NASP: variants seen among roughly 807,000 people sequenced by gnomAD.
NASP encodes nuclear autoantigenic sperm protein.
A neutral mutation model predicts 89.5 loss-of-function variants in NASP; 24 were observed. The ratio of observed to expected loss-of-function variants is 0.27; its 90% CI spans 0.19 to 0.38. NASP has a LOEUF of 0.38. NASP is among the 10% of genes least tolerant of loss of function. The probability of loss-of-function intolerance (pLI) is 1.00; values close to 1 mark genes in which losing one functional copy is unlikely to be tolerated. For synonymous variants in NASP, 306 were observed against 324.7 expected (o/e 0.94, Z 0.62); for missense variants, 848 against 921.4 (o/e 0.92, Z 1.03).
At chr1:45,606,375 T>C in intron 4 of NASP, 107 bp from the exon 5 acceptor site, 1 of 709,002 alleles carries the variant, frequency 1.4e-6, no homozygotes, top group South Asian at 1.8e-5. Context: ...TTGCCTGCGC[T>C]TGGCTTACAC....
chr1:45,599,702 C>T (rs1338120966), intron 2 of NASP, among the ~76,000 whole-genome samples: 3 of 152,204 alleles, frequency 2.0e-5, no homozygotes, highest in Admixed American at 1.3e-4. Context: ...GCTGGGATTA[C>T]AGGCATGAGC....
chr1:45,594,466 G>A (rs1208317938), intron 2 of NASP, among the ~76,000 whole-genome samples: 1 of 152,134 alleles, frequency 6.6e-6, no homozygotes, highest in Non-Finnish European at 1.5e-5. Context: ...TAGTATTTAA[G>A]TTTCTGGACT....
intron 1 of NASP, among the ~76,000 whole-genome samples, chr1:45,586,131 A>G (rs989540862): frequency 1.4e-5 from 2 of 146,104 alleles, no homozygotes; most frequent in African/African-American, 2.5e-5. Context: ...GAAAGCTAAA[A>G]CTGAGCAATT....
chr1:45,617,917 T>A, intron 14 of NASP, 144 bp from the exon 15 acceptor site: 2 of 696,950 alleles, frequency 2.9e-6, no homozygotes, highest in Admixed American at 5.6e-5. Context: ...CAAGAAATAC[T>A]TTGTGGTCAC....
intron 1 of NASP, among the ~76,000 whole-genome samples, chr1:45,586,199 G>A (rs1279976122): frequency 3.3e-5 from 5 of 151,308 alleles, no homozygotes; most frequent in African/African-American, 4.9e-5. Context: ...AGGTTGGAGT[G>A]CAGTGATGCC....
chr1:45,604,867 T>C (rs888235994), intron 3 of NASP, 69 bp from the exon 4 acceptor site: 18 of 1,193,956 alleles, frequency 1.5e-5, no homozygotes, highest in Non-Finnish European at 2.2e-5. Context: ...AATTTATAAC[T>C]GAAGAACTAG....
At chr1:45,594,367 C>G (rs531107658) in intron 2 of NASP, among the ~76,000 whole-genome samples, 36 of 151,566 alleles carry the variant, frequency 2.4e-4, no homozygotes, top group Non-Finnish European at 5.2e-4. Context: ...GTGAGTTAAT[C>G]TGGTATTTGG....
At chr1:45,587,186 T>G (rs750137995) in intron 1 of NASP, among the ~76,000 whole-genome samples, 46 of 150,174 alleles carry the variant, frequency 3.1e-4, no homozygotes, top group African/African-American at 6.1e-4. Flanking sequence ...TCTTAGTTGG[T>G]TTTTTTTTGT....
Position 45,608,265 on chromosome 1 carries a change from C to T in NASP, c.1354C>T (p.Pro452Ser). 4 of 1,613,826 alleles carry T rather than the reference C, an allele frequency of 2.5e-6. No homozygotes were observed. Among genetic ancestry groups the T allele is most frequent in the Non-Finnish European group, 3.4e-6 (4 of 1,179,882 alleles). The change falls in exon 6 of 15, where the codon CCT becomes TCT. Residue 452 changes from proline to serine, a missense_variant. Coordinates refer to ENST00000350030, the MANE Select transcript of NASP (RefSeq NM_002482.4). ...AGCCCAGGGAGCTACTGAGAAATCA[C>T]CTGAAGACAAAGTTCAGATAGCTGC... Reference protein sequence around the residue: ...KVAQGATEKSPEDKVQIAANE... With the variant: ...KVAQGATEKSSEDKVQIAANE...
Position 45,591,255 on chromosome 1 carries a change from C to T in NASP, c.92C>T (p.Ala31Val). ...GATGTTCCTGCTCCTTCTACATCTG[C>T]AGATAAAGTGGAGAGGTAAGATTAT... ...IEDVPAPSTS[A>V]DKVESLDVDS... The change falls in exon 2 of 15, where the codon GCA becomes GTA. Residue 31 changes from alanine (A) to valine (V), a missense_variant. Physicochemically the swap from Ala to Val is moderately conservative, Grantham distance 64. Transcript: ENST00000350030. The T allele has an allele frequency of 6.5e-7, 1 of 1,544,286 alleles. No homozygotes were observed. The highest frequency in any genetic ancestry group is 2.4e-5 in the East Asian group (1 of 41,898).
intron 2 of NASP, chr1:45,600,288 A>G (rs1643808359): frequency 1.3e-6 from 1 of 762,232 alleles, no homozygotes; most frequent in South Asian, 2.8e-5. Flanking sequence ...CTACATATGT[A>G]TACACCTGTA....
At chr1:45,602,415 T>G (rs767464741) in intron 3 of NASP, 50 bp downstream of exon 3, 30 of 1,527,130 alleles carry the variant, frequency 2.0e-5, no homozygotes, top group Non-Finnish European at 2.5e-5. Flanking sequence ...CTAATAAACC[T>G]TGAGTTATCA....
At chr1:45,587,429 A>G (rs1414369716) in intron 1 of NASP, among the ~76,000 whole-genome samples, 2 of 151,698 alleles carry the variant, frequency 1.3e-5, no homozygotes, top group Admixed American at 1.3e-4. Context: ...TCTCGGCGTG[A>G]GCCACCGTGC....
At chr1:45,584,309 C>T (rs1570934918) in intron 1 of NASP, 104 bp downstream of exon 1, 1 of 1,072,910 alleles carries the variant, frequency 9.3e-7, no homozygotes, top group Non-Finnish European at 1.4e-6. Flanking sequence ...GAGTACTTGC[C>T]TTCCCAAGAG....
intron 14 of NASP, 63 bp downstream of exon 14, chr1:45,617,654 CAGTCCTCTCA>C: frequency 6.6e-7 from 1 of 1,509,914 alleles, no homozygotes; most frequent in Non-Finnish European, 8.8e-7. Flanking sequence ...CTGGGGAAAT[CAGTCCTCTCA>C]AGTGCATGCT....
chr1:45,587,485 A>G (rs1397517040), intron 1 of NASP, among the ~76,000 whole-genome samples: 3 of 151,710 alleles, frequency 2.0e-5, no homozygotes, highest in East Asian at 3.9e-4. Context: ...TCATTTACAT[A>G]TCTCAACTGT....
In NASP at chr1:45,584,109, C is replaced by G. The variant is rs755242357; in HGVS notation, c.-38C>G. The G allele has an allele frequency of 6.4e-7, 1 of 1,555,628 alleles. No homozygotes were observed. Among genetic ancestry groups the G allele is most frequent in the African/African-American group, 1.4e-5 (1 of 73,664 alleles). Reference sequence around the variant, plus strand: ...CCAAATTGCCTGTTTTTCTCGCAGGCTCTATTCCGTTCGCTGGTTCGCCAC... The same window carrying G: ...CCAAATTGCCTGTTTTTCTCGCAGGGTCTATTCCGTTCGCTGGTTCGCCAC... On this transcript the variant is annotated 5_prime_UTR_variant, in exon 1 of 15. Transcript: ENST00000350030.
chr1:45,591,897 C>T (rs1173936814), intron 2 of NASP, among the ~76,000 whole-genome samples: 2 of 152,092 alleles, frequency 1.3e-5, no homozygotes, highest in Non-Finnish European at 2.9e-5. Context: ...CATAGCTCAC[C>T]ACCACCTCGA....
chr1:45,601,500 G>T (rs1643841953), intron 2 of NASP, among the ~76,000 whole-genome samples: 1 of 151,980 alleles, frequency 6.6e-6, no homozygotes, highest in South Asian at 2.1e-4. Flanking sequence ...ATCTGTTTTT[G>T]TACTCTGTGT....
Sources: allele counts gnomAD v4.1 joint callset (sites outside exome capture counted in the v4.1 genomes callset), GRCh38; gene constraint gnomAD v4.1.1; transcripts MANE v1.5; gene names NCBI Gene and HGNC (gene_info 2026-07-23, HGNC 2026-07-21).